PRKCI: variants seen among roughly 807,000 people sequenced by gnomAD.
PRKCI encodes protein kinase C iota type.
PRKCI carries 43 observed loss-of-function variants against 84.0 expected under a neutral mutation model. That is an observed-to-expected ratio of 0.51 (90% CI 0.40 to 0.66). The LOEUF (loss-of-function observed/expected upper bound fraction) is 0.66, where lower values mean the gene tolerates loss of function less well. Among genes scored for constraint, PRKCI ranks in the 30% least tolerant of loss-of-function variants. The pLI is 0.00. For synonymous variants in PRKCI, 216 were observed against 234.4 expected (o/e 0.92, Z 0.72); for missense variants, 459 against 745.6 (o/e 0.62, Z 4.48).
chr3:170,270,629 G>A lies in PRKCI; in HGVS notation c.591+68G>A, dbSNP rs909910684. The A allele has an allele frequency of 4.1e-6, 6 of 1,479,686 alleles. No homozygotes were observed. In the South Asian group the frequency reaches 5.3e-5, roughly 13 times the overall value. The allele number at this position is 1,479,686 out of a possible 1,614,324, so 91.7% of individuals were successfully genotyped here. A position where few individuals can be genotyped will look rare whatever the true frequency, so the allele number is the denominator to read the frequency against. ...TGCTTGATAACACTGCTATAACAGA[G>A]TGCTAAAATAGGGAGGTGTTCAGGA... On this transcript the variant is annotated intron_variant, in intron 6 of 17. Coordinates refer to ENST00000295797, the MANE Select transcript of PRKCI (RefSeq NM_002740.6).
At chr3:170,261,203 A>G (rs1418597351) in intron 3 of PRKCI, among the ~76,000 whole-genome samples, 2 of 149,892 alleles carry the variant, frequency 1.3e-5, no homozygotes, top group Admixed American at 6.7e-5. Flanking sequence ...GTGCTCAAAG[A>G]GTCCTACCAC....
intron 1 of PRKCI, among the ~76,000 whole-genome samples, chr3:170,230,987 C>G (rs1430292835): frequency 4.4e-5 from 6 of 135,010 alleles, no homozygotes; most frequent in East Asian, 4.4e-4. Context: ...TGAGATGGAG[C>G]CTTGCACTGT....
intron 7 of PRKCI, 85 bp from the exon 8 acceptor site, chr3:170,275,144 T>G (rs1476494810): frequency 1.4e-6 from 2 of 1,407,532 alleles, no homozygotes; most frequent in African/African-American, 2.9e-5. Context: ...GAGACAATTT[T>G]TATTTCAAAC....
At chr3:170,245,954 T>TTTTGTTTGTTTGTTTG (rs781310669) in intron 2 of PRKCI, among the ~76,000 whole-genome samples, 1 of 121,308 alleles carries the variant, frequency 8.2e-6, no homozygotes, top group Non-Finnish European at 1.7e-5. Context: ...TCTTTGTTTT[T>TTTTGTTTGTTTGTTTG]TTTTTTTTTT....
Position 170,255,312 on chromosome 3 carries a change from G to A in PRKCI, c.224-4657G>A, listed in dbSNP as rs963199710. ...TGACCTCAGGTGATCCTCCCACCTC[G>A]GCCTCCCAAAGTGCAGGGATTACAG... On this transcript the variant is annotated intron_variant, in intron 2 of 17. Coordinates refer to ENST00000295797, the MANE Select transcript of PRKCI (RefSeq NM_002740.6). Among the ~76,000 whole-genome samples the A allele has an allele frequency of 5.3e-5, 8 of 151,950 alleles. No homozygotes were observed. The East Asian group carries it at 9.7e-4, about 18-fold the overall frequency.
intron 2 of PRKCI, among the ~76,000 whole-genome samples, chr3:170,247,982 C>T (rs1733333129): frequency 6.6e-6 from 1 of 151,986 alleles, no homozygotes; most frequent in Non-Finnish European, 1.5e-5. Flanking sequence ...GTGACTTTTG[C>T]AAGTGGTTTA....
At chr3:170,240,094 G>C (rs1705591) in intron 2 of PRKCI, among the ~76,000 whole-genome samples, 125,128 of 151,962 alleles carry the variant, frequency 0.82, 51,604 homozygotes, top group East Asian at 0.88. Context: ...CATGGGAGAT[G>C]GAGGCTGCAG....
At chr3:170,240,036 C>T (rs73034338) in intron 2 of PRKCI, among the ~76,000 whole-genome samples, 2,398 of 151,938 alleles carry the variant, frequency 0.016, 77 homozygotes, top group African/African-American at 0.055. Context: ...GTGGTACACA[C>T]CTATAGTCTC....
chr3:170,252,209 G>C (rs1397424848), intron 2 of PRKCI, among the ~76,000 whole-genome samples: 3 of 138,478 alleles, frequency 2.2e-5, no homozygotes, highest in African/African-American at 8.9e-5. Flanking sequence ...GCGAGACTCC[G>C]TCTCAAAAAA....
intron 12 of PRKCI, among the ~76,000 whole-genome samples, chr3:170,289,178 C>T (rs1734474886): frequency 6.6e-6 from 1 of 152,168 alleles, no homozygotes; most frequent in Non-Finnish European, 1.5e-5. Flanking sequence ...TTACCTCTGA[C>T]TATTGTACTG....
Position 170,287,033 on chromosome 3 carries a change from G to C in PRKCI, c.1203+2437G>C, listed in dbSNP as rs141826515. The stretch of plus-strand genomic sequence containing the variant: ...GGAAAGCAAGCCACCACGCCCGACT[G>C]AAGATATTTGTAAAAAATACATAAC... On this transcript the variant is annotated intron_variant, in intron 12 of 17. Coordinates refer to ENST00000295797, the MANE Select transcript of PRKCI (RefSeq NM_002740.6). 1.9e-3 allele frequency among the ~76,000 whole-genome samples: 283 copies of C among 152,036 alleles called. 2 individuals carry two copies. Among genetic ancestry groups the C allele is most frequent in the Non-Finnish European group, 3.2e-3 (217 of 67,988 alleles).
At chr3:170,269,940 A>G (rs938027279) in intron 5 of PRKCI, among the ~76,000 whole-genome samples, 2 of 152,096 alleles carry the variant, frequency 1.3e-5, no homozygotes, top group South Asian at 2.1e-4. Flanking sequence ...CCTGGGCAAC[A>G]AGAGTGAAAC....
At position 170,303,101 on chromosome 3, in the gene PRKCI, T is replaced by C. The variant is rs1270469832; in HGVS notation, c.1765T>C (p.Leu589=). The C allele has an allele frequency of 1.2e-6, 2 of 1,604,094 alleles. No homozygotes were observed. Among genetic ancestry groups the C allele is most frequent in the Non-Finnish European group, 1.7e-6 (2 of 1,175,842 alleles). The change falls in exon 18 of 18, where the codon TTG becomes CTG. Residue 589 remains leucine (L), a synonymous_variant. Transcript: ENST00000295797. Reference sequence around the variant, plus strand: ...AGGTTTTGAGTATATCAATCCTCTTTTGATGTCTGCAGAAGAATGTGTCTG... The same window carrying C: ...AGGTTTTGAGTATATCAATCCTCTTCTGATGTCTGCAGAAGAATGTGTCTG... ...FEGFEYINPL[L]MSAEECV
intron 8 of PRKCI, among the ~76,000 whole-genome samples, chr3:170,277,642 A>C (rs1239548435): frequency 1.3e-5 from 2 of 151,468 alleles, no homozygotes; most frequent in African/African-American, 4.9e-5. Context: ...TGCAGTGAGC[A>C]GAGACTGTAC....
At chr3:170,266,443 C>T (rs1733857489) in intron 4 of PRKCI, among the ~76,000 whole-genome samples, 1 of 151,870 alleles carries the variant, frequency 6.6e-6, no homozygotes. Context: ...CACAACACTA[C>T]CTATGTGTTA....
intron 1 of PRKCI, among the ~76,000 whole-genome samples, chr3:170,230,070 C>A (rs1024986380): frequency 2.0e-5 from 3 of 151,544 alleles, no homozygotes; most frequent in Non-Finnish European, 4.4e-5. Context: ...TCAAACCTGT[C>A]CTTTTTAAAA....
chr3:170,240,033 A>C (rs1733086864), intron 2 of PRKCI, among the ~76,000 whole-genome samples: 1 of 152,022 alleles, frequency 6.6e-6, no homozygotes, highest in African/African-American at 2.4e-5. Context: ...ATGGTGGTAC[A>C]CACCTATAGT....
At chr3:170,269,078 C>G (rs1167805597) in intron 5 of PRKCI, among the ~76,000 whole-genome samples, 1 of 152,096 alleles carries the variant, frequency 6.6e-6, no homozygotes, top group East Asian at 1.9e-4. Context: ...ACAGGCCTGG[C>G]TATTTTTTGT....
chr3:170,248,808 C>T (rs1366768728), intron 2 of PRKCI, among the ~76,000 whole-genome samples: 3 of 151,842 alleles, frequency 2.0e-5, no homozygotes, highest in African/African-American at 7.2e-5. Flanking sequence ...AGATGATGTA[C>T]AGCAAAAGTG....
Sources: gnomAD v4.1 joint callset for allele counts (sites outside exome capture counted in the v4.1 genomes callset) on GRCh38, gnomAD v4.1.1 for gene constraint, MANE v1.5 for transcripts, NCBI Gene and HGNC (gene_info 2026-07-23, HGNC 2026-07-21) for gene names.